The following FSTL4 variants were observed in gnomAD, a reference collection of about 807,000 sequenced individuals.
FSTL4 encodes follistatin like 4.
FSTL4 carries 28 observed loss-of-function variants against 78.2 expected under a neutral mutation model. The observed-to-expected ratio is 0.36, with a 90% CI of 0.27 to 0.49. FSTL4 has a LOEUF of 0.49. FSTL4 is among the 20% of genes least tolerant of loss of function. The pLI is 0.98. For missense variants in FSTL4, 922 were observed against 1,084.9 expected, an observed-to-expected ratio of 0.85 and a Z score of 2.11; for synonymous variants, 422 against 440.5, an observed-to-expected ratio of 0.96 and a Z score of 0.53.
chr5:133,247,975 GTCTC>G (rs1353468226), intron 7 of FSTL4: 1 of 152,264 alleles, frequency 6.6e-6, no homozygotes, highest in Admixed American at 6.5e-5. Context: ...TTCATGCTGG[GTCTC>G]TCTCCCCACA....
chr5:133,724,626 C>A, the FSTL4 span, among the ~76,000 whole-genome samples: 1 of 152,098 alleles, frequency 6.6e-6, no homozygotes, highest in Non-Finnish European at 1.5e-5. Flanking sequence ...AATACAAAAT[C>A]TTTTTCAGAA....
At chr5:133,396,895 T>G in intron 4 of FSTL4, among the ~76,000 whole-genome samples, 1 of 152,188 alleles carries the variant, frequency 6.6e-6, no homozygotes, top group Non-Finnish European at 1.5e-5. Flanking sequence ...TTTCCTGTCT[T>G]TCATTAGGTT....
chr5:133,201,295 G>A (rs1053564407), intron 15 of FSTL4, among the ~76,000 whole-genome samples: 8 of 152,144 alleles, frequency 5.3e-5, no homozygotes, highest in Non-Finnish European at 7.3e-5. Context: ...ATGCTGGGCC[G>A]AGGTCTGCAG....
At chr5:133,701,793 C>T in the FSTL4 span, among the ~76,000 whole-genome samples, 10 of 152,154 alleles carry the variant, frequency 6.6e-5, no homozygotes, top group Admixed American at 2.0e-4. Context: ...CCCAATAAAA[C>T]GCATGAGTGT....
At chr5:133,286,853 C>T (rs1753141448) in intron 6 of FSTL4, among the ~76,000 whole-genome samples, 1 of 152,194 alleles carries the variant, frequency 6.6e-6, no homozygotes, top group South Asian at 2.1e-4. Context: ...CACTGATCGC[C>T]TCAATGCTGC....
At chr5:133,780,149 T>C in the FSTL4 span, among the ~76,000 whole-genome samples, 6 of 152,070 alleles carry the variant, frequency 3.9e-5, no homozygotes, top group African/African-American at 1.2e-4. Flanking sequence ...CCTCCTGCTA[T>C]CTAGGGAAGG....
At chr5:133,566,698 T>A (rs1760034533) in intron 3 of FSTL4, among the ~76,000 whole-genome samples, 1 of 152,202 alleles carries the variant, frequency 6.6e-6, no homozygotes, top group African/African-American at 2.4e-5. Context: ...AAACAGAACA[T>A]CATGGAACTG....
chr5:133,399,176 G>C (rs1262594311), intron 4 of FSTL4, among the ~76,000 whole-genome samples: 1 of 152,206 alleles, frequency 6.6e-6, no homozygotes, highest in Non-Finnish European at 1.5e-5. Context: ...GGAAACCAGA[G>C]AATGGAACAT....
chr5:133,801,790 G>C, the FSTL4 span, among the ~76,000 whole-genome samples: 1 of 152,232 alleles, frequency 6.6e-6, no homozygotes, highest in Non-Finnish European at 1.5e-5. Context: ...TCCACTGAGG[G>C]CTCTAGTGGG....
At chr5:133,376,156 TATGAG>T (rs1415731060) in intron 4 of FSTL4, among the ~76,000 whole-genome samples, 1 of 152,256 alleles carries the variant, frequency 6.6e-6, no homozygotes, top group Admixed American at 6.5e-5. Context: ...GGGCTTGTCC[TATGAG>T]ATATCAGAAC....
chr5:133,448,741 G>GC (rs1004709722), intron 3 of FSTL4, among the ~76,000 whole-genome samples: 1 of 127,460 alleles, frequency 7.8e-6, no homozygotes. Flanking sequence ...TGCGGGGGCG[G>GC]GGGGGGGGGG....
chr5:133,709,304 C>T, the FSTL4 span, among the ~76,000 whole-genome samples: 21 of 152,256 alleles, frequency 1.4e-4, no homozygotes. Context: ...CAGCTCCAAT[C>T]TTGAGACACC....
intron 3 of FSTL4, among the ~76,000 whole-genome samples, chr5:133,503,027 G>C (rs2112879545): frequency 6.6e-6 from 1 of 152,318 alleles, no homozygotes; most frequent in Middle Eastern, 3.4e-3. Flanking sequence ...GTGGTAATTT[G>C]TTACAGCAGC....
intron 3 of FSTL4, among the ~76,000 whole-genome samples, chr5:133,443,387 T>C (rs1366884887): frequency 1.3e-5 from 2 of 152,206 alleles, no homozygotes; most frequent in Non-Finnish European, 2.9e-5. Context: ...GAACTGAAAT[T>C]GTCACACTCT....
the FSTL4 span, among the ~76,000 whole-genome samples, chr5:133,643,336 G>A: frequency 3.3e-5 from 5 of 152,102 alleles, no homozygotes; most frequent in African/African-American, 4.8e-5. Context: ...AGTTTTTCAC[G>A]CTGTTATAAT....
intron 2 of FSTL4, among the ~76,000 whole-genome samples, chr5:133,582,696 G>A (rs1359019521): frequency 3.3e-5 from 5 of 152,170 alleles, no homozygotes; most frequent in African/African-American, 4.8e-5. Flanking sequence ...TTCCTTCCAT[G>A]CTAGGCTCTT....
At chr5:133,502,680 G>C (rs888622820) in intron 3 of FSTL4, among the ~76,000 whole-genome samples, 1 of 152,204 alleles carries the variant, frequency 6.6e-6, no homozygotes, top group Non-Finnish European at 1.5e-5. Flanking sequence ...CTCTGGCCAT[G>C]TGAGACGTGC....
intron 3 of FSTL4, among the ~76,000 whole-genome samples, chr5:133,495,305 G>A (rs920115648): frequency 6.6e-6 from 1 of 152,176 alleles, no homozygotes; most frequent in Non-Finnish European, 1.5e-5. Context: ...TCATCTCCAG[G>A]CCACTCACTG....
the FSTL4 span, among the ~76,000 whole-genome samples, chr5:133,650,860 G>A: frequency 2.6e-5 from 4 of 152,276 alleles, no homozygotes; most frequent in East Asian, 7.7e-4. Context: ...TCTTGACTAT[G>A]TTGAGTCTTT....
Sources: gnomAD v4.1 joint callset for allele counts (sites outside exome capture counted in the v4.1 genomes callset) on GRCh38, gnomAD v4.1.1 for gene constraint, MANE v1.5 for transcripts, NCBI Gene and HGNC (gene_info 2026-07-23, HGNC 2026-07-21) for gene names.